Variants in FOXP2 observed in about 807,000 individuals in gnomAD.
FOXP2 encodes forkhead box P2.
A neutral mutation model predicts 115.8 loss-of-function variants in FOXP2; 12 were observed. That is an observed-to-expected ratio of 0.10 (90% CI 0.07 to 0.17). The LOEUF (loss-of-function observed/expected upper bound fraction) is 0.17, where lower values mean the gene tolerates loss of function less well. Among genes scored for constraint, FOXP2 ranks in the 10% least tolerant of loss-of-function variants. The pLI is 1.00. For synonymous variants in FOXP2, 328 were observed against 297.7 expected, an observed-to-expected ratio of 1.10 and a Z score of -1.05; for missense variants, 629 against 843.5, an observed-to-expected ratio of 0.75 and a Z score of 3.15.
At chr7:114,256,412 G>T (rs1374751213) in intron 1 of FOXP2, among the ~76,000 whole-genome samples, 2 of 152,020 alleles carry the variant, frequency 1.3e-5, no homozygotes, top group Non-Finnish European at 2.9e-5. Flanking sequence ...CAGCCAAGAT[G>T]GTATATTTTG....
chr7:114,491,469 T>TA (rs1797050210), intron 2 of FOXP2, among the ~76,000 whole-genome samples: 2 of 151,960 alleles, frequency 1.3e-5, no homozygotes, highest in African/African-American at 4.8e-5. Flanking sequence ...CTGTTCACTC[T>TA]GATGGTAGTT....
chr7:114,202,663 C>T (rs1180924247), intron 1 of FOXP2, among the ~76,000 whole-genome samples: 1 of 152,128 alleles, frequency 6.6e-6, no homozygotes, highest in Non-Finnish European at 1.5e-5. Context: ...TAGCTGCAGA[C>T]AGAAGTGGGT....
At chr7:114,119,158 A>G (rs1484935889) in intron 1 of FOXP2, among the ~76,000 whole-genome samples, 1 of 152,184 alleles carries the variant, frequency 6.6e-6, no homozygotes, top group Non-Finnish European at 1.5e-5. Flanking sequence ...ATTAAAATAC[A>G]GCATCCATTA....
Position 114,691,174 on chromosome 7 carries a change from A to T in FOXP2, c.*1248A>T. ...TGTTTTTGTTTTCCCTCATTCAGTC[A>T]GTTATTTTCAGTGGTGAATACATGT... On this transcript the variant is annotated 3_prime_UTR_variant, in exon 17 of 17. Coordinates refer to ENST00000350908, the MANE Select transcript of FOXP2 (RefSeq NM_014491.4). 2.2e-6 allele frequency: 1 copy of T among 454,038 alleles called. No homozygotes were observed. The highest frequency in any genetic ancestry group is 1.6e-5 in the South Asian group (1 of 64,468). 28.1% of individuals were successfully genotyped at this position (454,038 alleles called of 1,614,324 possible).
intron 2 of FOXP2, among the ~76,000 whole-genome samples, chr7:114,474,867 T>C (rs1047588285): frequency 3.3e-5 from 5 of 152,150 alleles, no homozygotes; most frequent in Admixed American, 1.3e-4. Flanking sequence ...CTTGACTTGT[T>C]CCAGTTCTCT....
chr7:114,650,612 C>T (rs73716963), intron 8 of FOXP2, among the ~76,000 whole-genome samples: 3,510 of 152,078 alleles, frequency 0.023, 117 homozygotes, highest in African/African-American at 0.076. Flanking sequence ...TGTTAACTAA[C>T]CTCTGGCTTA....
At chr7:114,176,234 T>TCTCTCTCTC (rs1562992738) in intron 1 of FOXP2, among the ~76,000 whole-genome samples, 9 of 149,636 alleles carry the variant, frequency 6.0e-5, no homozygotes, top group African/African-American at 2.2e-4. Context: ...GTCTTGTCTT[T>TCTCTCTCTC]TCTTTCTTTC....
At chr7:114,402,287 C>T (rs1792904987) in intron 2 of FOXP2, among the ~76,000 whole-genome samples, 1 of 151,846 alleles carries the variant, frequency 6.6e-6, no homozygotes, top group African/African-American at 2.4e-5. Context: ...ATTCCAATGA[C>T]CATAAATTAA....
intron 1 of FOXP2, among the ~76,000 whole-genome samples, chr7:114,234,815 C>CTT (rs552458452): frequency 6.6e-6 from 1 of 152,150 alleles, no homozygotes; most frequent in Non-Finnish European, 1.5e-5. Flanking sequence ...TCCTTGACCT[C>CTT]TTTTCTCTTG....
chr7:114,454,882 G>T (rs867338261), intron 2 of FOXP2, among the ~76,000 whole-genome samples: 8 of 108,918 alleles, frequency 7.3e-5, no homozygotes, highest in African/African-American at 2.5e-4. Flanking sequence ...GGTGGGGGGA[G>T]GGGGGAGGGA....
At chr7:114,578,756 G>A (rs1290741194) in intron 3 of FOXP2, among the ~76,000 whole-genome samples, 1 of 152,026 alleles carries the variant, frequency 6.6e-6, no homozygotes, top group African/African-American at 2.4e-5. Flanking sequence ...ACACTTTTAA[G>A]GTCTCAATCA....
intron 1 of FOXP2, among the ~76,000 whole-genome samples, chr7:114,172,721 A>T (rs1297557986): frequency 2.6e-5 from 4 of 152,276 alleles, no homozygotes; most frequent in East Asian, 3.9e-4. Flanking sequence ...TGTCATCTTT[A>T]TTTCAGATAC....
chr7:114,469,996 T>C (rs549862693), intron 2 of FOXP2, among the ~76,000 whole-genome samples: 1 of 152,334 alleles, frequency 6.6e-6, no homozygotes, highest in African/African-American at 2.4e-5. Context: ...TTACTGTAGA[T>C]AGTCCTTAAC....
At chr7:114,223,943 A>G (rs1336141870) in intron 1 of FOXP2, among the ~76,000 whole-genome samples, 1 of 151,992 alleles carries the variant, frequency 6.6e-6, no homozygotes, top group Non-Finnish European at 1.5e-5. Context: ...ATTTTCCTTT[A>G]TGTTCTTATA....
In FOXP2 at chr7:114,294,841, AAAATAAATAAAT is replaced by A. The variant is rs201482409; in HGVS notation, c.-11+6746_-11+6757del. On this transcript the variant is annotated intron_variant, in intron 2 of 17. Transcript: ENST00000634411. ...GGGCAACAGAAGGAGACACTGCCTC[AAAATAAATAAAT>A]AAATAAATAAATACATACATACATA... is the stretch of plus-strand genomic sequence containing the variant. Among the ~76,000 whole-genome samples, 339 of 139,920 alleles carry A rather than the reference AAAATAAATAAAT, an allele frequency of 2.4e-3. 4 individuals carry two copies. Among genetic ancestry groups the A allele is most frequent in the African/African-American group, 7.3e-3 (279 of 38,234 alleles). 91.8% of individuals were successfully genotyped at this position (139,920 alleles called of 152,430 possible).
chr7:114,207,393 TC>T (rs1427538525), intron 1 of FOXP2, among the ~76,000 whole-genome samples: 1 of 152,180 alleles, frequency 6.6e-6, no homozygotes, highest in African/African-American at 2.4e-5. Context: ...CATTTTAAAA[TC>T]CCACCATCAC....
At chr7:114,624,671 T>C (rs2129325017) in intron 3 of FOXP2, among the ~76,000 whole-genome samples, 1 of 151,904 alleles carries the variant, frequency 6.6e-6, no homozygotes, top group Admixed American at 6.6e-5. Context: ...TTAGATGCAT[T>C]TGAACAGAGA....
intron 6 of FOXP2, among the ~76,000 whole-genome samples, chr7:114,638,472 AC>A (rs2129331253): frequency 6.6e-6 from 1 of 152,296 alleles, no homozygotes; most frequent in Admixed American, 6.5e-5. Context: ...ATCATTGCAA[AC>A]CATCAAGCCT....
At chr7:114,459,788 G>A (rs1294793965) in intron 2 of FOXP2, among the ~76,000 whole-genome samples, 1 of 152,032 alleles carries the variant, frequency 6.6e-6, no homozygotes, top group Non-Finnish European at 1.5e-5. Flanking sequence ...GCTACTTTTT[G>A]TATTATTAGG....
Sources: allele counts gnomAD v4.1 joint callset (sites outside exome capture counted in the v4.1 genomes callset), GRCh38; gene constraint gnomAD v4.1.1; transcripts MANE v1.5; gene names NCBI Gene and HGNC (gene_info 2026-07-23, HGNC 2026-07-21).